DARS1: variants seen among roughly 807,000 people sequenced by gnomAD.
DARS1 encodes the protein aspartate--tRNA ligase, cytoplasmic.
A neutral mutation model predicts 68.8 loss-of-function variants in DARS1; 51 were observed. That is an observed-to-expected ratio of 0.74 (90% CI 0.59 to 0.94). The LOEUF (loss-of-function observed/expected upper bound fraction) is 0.94. Ranked by LOEUF, DARS1 falls within the 40% of genes least tolerant of loss-of-function variation. The probability of loss-of-function intolerance (pLI) is 0.00; values close to 1 mark genes in which losing one functional copy is unlikely to be tolerated. For synonymous variants in DARS1, 203 were observed against 190.4 expected (o/e 1.07, Z -0.55); for missense variants, 607 against 597.3 (o/e 1.02, Z -0.17).
At position 135,910,793 on chromosome 2, in the gene DARS1, C is replaced by A. The variant is rs80201497; in HGVS notation, c.1414+346G>T. 7.8e-3 allele frequency: 1,584 copies of A among 203,472 alleles called. 136 individuals carry two copies. In the East Asian group the frequency reaches 0.19, roughly 24 times the overall value. 12.6% of individuals were successfully genotyped at this position (203,472 alleles called of 1,614,324 possible). A position where few individuals can be genotyped will look rare whatever the true frequency, so the allele number is the denominator to read the frequency against. On this transcript the variant is annotated intron_variant, in intron 15 of 15. Transcript: ENST00000264161. ...CCCTTACATATACTGTAGAAGTGAT[C>A]TTAAAGTGAATCAAGTGCTGCATCT...
chr2:135,967,211 C>T (rs1314532570), intron 3 of DARS1, among the ~76,000 whole-genome samples: 3 of 152,154 alleles, frequency 2.0e-5, no homozygotes, highest in African/African-American at 7.2e-5. Flanking sequence ...TAATATTTTC[C>T]TTCATGATTT....
intron 1 of DARS1, among the ~76,000 whole-genome samples, chr2:135,983,882 C>T (rs960015735): frequency 6.6e-6 from 1 of 152,140 alleles, no homozygotes; most frequent in Non-Finnish European, 1.5e-5. Context: ...AGAGAACCAA[C>T]GTTTTGGGTA....
At position 135,950,994 on chromosome 2, in the gene DARS1, G is replaced by C. The variant is rs191549027; in HGVS notation, c.321-7514C>G. On this transcript the variant is annotated intron_variant, in intron 4 of 15. Coordinates refer to ENST00000264161, the MANE Select transcript of DARS1 (RefSeq NM_001349.4). ...GGTCAGGAAGAGGCTGAAAAGACTGGGAGAGAATGTGGAGATGGATAAAAA... is the reference window on the plus strand; with the variant it reads ...GGTCAGGAAGAGGCTGAAAAGACTGCGAGAGAATGTGGAGATGGATAAAAA... 2.8e-3 allele frequency among the ~76,000 whole-genome samples: 427 copies of C among 152,244 alleles called. 4 individuals carry two copies. The highest frequency in any genetic ancestry group is 0.015 in the South Asian group (73 of 4,816).
At chr2:135,947,909 C>T (rs1383962935) in intron 4 of DARS1, among the ~76,000 whole-genome samples, 1 of 151,818 alleles carries the variant, frequency 6.6e-6, no homozygotes, top group Non-Finnish European at 1.5e-5. Flanking sequence ...AATCATACTA[C>T]CTTCCCCAGT....
At chr2:135,931,354 A>G (rs1400629658) in intron 7 of DARS1, among the ~76,000 whole-genome samples, 1 of 152,160 alleles carries the variant, frequency 6.6e-6, no homozygotes, top group African/African-American at 2.4e-5. Context: ...CTCCTGCTTC[A>G]GCCTCCTGAG....
chr2:135,936,849 A>T (rs977934136), intron 5 of DARS1, among the ~76,000 whole-genome samples: 2 of 152,216 alleles, frequency 1.3e-5, no homozygotes, highest in African/African-American at 4.8e-5. Flanking sequence ...CTCTTAAATC[A>T]GTAAGTACAT....
At chr2:135,907,478 A>G in intron 15 of DARS1, 71 bp from the exon 16 acceptor site, 2 of 966,628 alleles carry the variant, frequency 2.1e-6, no homozygotes, top group Non-Finnish European at 3.2e-6. Context: ...AACTACAAAC[A>G]TAAATGTAAT....
In DARS1 at chr2:135,954,220, A is replaced by T. The variant is rs549026416; in HGVS notation, c.320+7176T>A. Among the ~76,000 whole-genome samples, 5 of 151,898 alleles carry T rather than the reference A, an allele frequency of 3.3e-5. No homozygotes were observed. The South Asian group carries it at 1.0e-3, about 32-fold the overall frequency. ...TTCAGAGAGGCAGGATGACACAGAG[A>T]CTAGAGTGTGAATCCAGAATCTAAG... On this transcript the variant is annotated intron_variant, in intron 4 of 15. Coordinates refer to ENST00000264161, the MANE Select transcript of DARS1 (RefSeq NM_001349.4).
Position 135,924,372 on chromosome 2 carries a change from T to C in DARS1, c.676+15A>G. The stretch of plus-strand genomic sequence containing the variant: ...ATTTATTTTTAAAAATTAAGAGAAA[T>C]ATTTTGAAGCATACCTGAAATAATT... On this transcript the variant is annotated intron_variant, in intron 8 of 15. Coordinates refer to ENST00000264161, the MANE Select transcript of DARS1 (RefSeq NM_001349.4). 1 of 1,572,794 alleles carries C rather than the reference T, an allele frequency of 6.4e-7. No homozygotes were observed. The highest frequency in any genetic ancestry group is 8.6e-7 in the Non-Finnish European group (1 of 1,167,996).
intron 4 of DARS1, among the ~76,000 whole-genome samples, chr2:135,949,532 G>C (rs553099073): frequency 9.2e-5 from 14 of 152,268 alleles, no homozygotes; most frequent in Admixed American, 6.5e-5. Flanking sequence ...GATGGGTATT[G>C]CATCTTCCTG....
chr2:135,973,587 G>A (rs1682433156), intron 3 of DARS1, among the ~76,000 whole-genome samples: 1 of 152,112 alleles, frequency 6.6e-6, no homozygotes, highest in African/African-American at 2.4e-5. Context: ...TGTCGTGGTG[G>A]CTCACACCTG....
chr2:135,921,329 A>T (rs901092457), intron 9 of DARS1, among the ~76,000 whole-genome samples: 2 of 151,774 alleles, frequency 1.3e-5, no homozygotes, highest in African/African-American at 4.8e-5. Flanking sequence ...CCTAACCTAT[A>T]TTTCTCACTT....
chr2:135,983,047 T>C (rs1682673284), intron 2 of DARS1, among the ~76,000 whole-genome samples: 1 of 152,244 alleles, frequency 6.6e-6, no homozygotes, highest in Non-Finnish European at 1.5e-5. Context: ...TATTAAAGCA[T>C]GCAAAAAGGC....
rs185967028 is a variant in DARS1, at chr2:135,972,559, G to A, written c.217+6715C>T. On this transcript the variant is annotated intron_variant, in intron 3 of 15. Coordinates refer to ENST00000264161, the MANE Select transcript of DARS1 (RefSeq NM_001349.4). ...TACTCCACAAGCACAGGCAACTGAA[G>A]TAGAAATGGACAAATGGGATCACAT... Among the ~76,000 whole-genome samples the A allele has an allele frequency of 2.8e-3, 431 of 152,272 alleles. 6 individuals carry two copies. The highest frequency in any genetic ancestry group is 1.9e-3 in the Non-Finnish European group (127 of 68,010).
chr2:135,943,189 A>G, intron 5 of DARS1, 189 bp downstream of exon 5: 1 of 755,926 alleles, frequency 1.3e-6, no homozygotes, highest in East Asian at 3.1e-5. Flanking sequence ...GTAAGCAAAT[A>G]AATGTTTGTT....
At chr2:135,967,985 G>A (rs947963346) in intron 3 of DARS1, among the ~76,000 whole-genome samples, 1 of 152,038 alleles carries the variant, frequency 6.6e-6, no homozygotes, top group Admixed American at 6.6e-5. Flanking sequence ...TACGGCCGGG[G>A]GCAGTGGCTC....
At chr2:135,974,839 C>CT (rs1311826519) in intron 3 of DARS1, among the ~76,000 whole-genome samples, 1 of 152,054 alleles carries the variant, frequency 6.6e-6, no homozygotes, top group African/African-American at 2.4e-5. Flanking sequence ...ATTATTTGTT[C>CT]TTTTTTAATA....
At chr2:135,965,405 C>T (rs566392642) in intron 3 of DARS1, among the ~76,000 whole-genome samples, 10 of 151,688 alleles carry the variant, frequency 6.6e-5, no homozygotes, top group Admixed American at 4.6e-4. Context: ...GGCAATAGAC[C>T]AAAACAGATA....
intron 3 of DARS1, among the ~76,000 whole-genome samples, chr2:135,971,773 G>A (rs1682375455): frequency 6.6e-6 from 1 of 151,990 alleles, no homozygotes; most frequent in South Asian, 2.1e-4. Flanking sequence ...ACATATAAAT[G>A]TCAGTAGCAT....
Sources: gnomAD v4.1 joint callset for allele counts (sites outside exome capture counted in the v4.1 genomes callset) on GRCh38, gnomAD v4.1.1 for gene constraint, MANE v1.5 for transcripts, NCBI Gene and HGNC (gene_info 2026-07-23, HGNC 2026-07-21) for gene names.